The following NHSL1 variants were observed in gnomAD, a reference collection of about 807,000 sequenced individuals.
NHSL1 encodes NHS-like protein 1.
In NHSL1, 48 loss-of-function variants were observed where a neutral mutation model predicts 95.0. The ratio of observed to expected loss-of-function variants is 0.51; its 90% CI spans 0.40 to 0.64. NHSL1 has a LOEUF of 0.64. Among genes scored for constraint, NHSL1 ranks in the 30% least tolerant of loss-of-function variants. NHSL1 has a pLI of 0.00. For missense variants in NHSL1, 1,971 were observed against 2,077.7 expected, an observed-to-expected ratio of 0.95 and a Z score of 1.00; for synonymous variants, 783 against 833.9, an observed-to-expected ratio of 0.94 and a Z score of 1.05.
At chr6:138,465,267 C>T (rs1484533303) in intron 3 of NHSL1, among the ~76,000 whole-genome samples, 1 of 152,102 alleles carries the variant, frequency 6.6e-6, no homozygotes, top group Admixed American at 6.5e-5. Flanking sequence ...TTACTCCACT[C>T]CCCACTTTCT....
chr6:138,595,456 G>A, intron 1 of NHSL1, among the ~76,000 whole-genome samples: 1 of 152,144 alleles, frequency 6.6e-6, no homozygotes, highest in Non-Finnish European at 1.5e-5. Flanking sequence ...AGCACCAGTA[G>A]TCCCAGCTAC....
At chr6:138,530,486 T>C (rs1425604640) in intron 1 of NHSL1, among the ~76,000 whole-genome samples, 1 of 152,240 alleles carries the variant, frequency 6.6e-6, no homozygotes, top group Non-Finnish European at 1.5e-5. Context: ...TGCATGTTTA[T>C]AGCAGCACAA....
At chr6:138,586,204 C>T (rs1251743905) in intron 1 of NHSL1, among the ~76,000 whole-genome samples, 1 of 151,758 alleles carries the variant, frequency 6.6e-6, no homozygotes, top group Non-Finnish European at 1.5e-5. Context: ...AAGAGATTCT[C>T]CTGCCTCATC....
At chr6:138,530,816 G>C (rs1782102441) in intron 1 of NHSL1, among the ~76,000 whole-genome samples, 1 of 152,178 alleles carries the variant, frequency 6.6e-6, no homozygotes, top group South Asian at 2.1e-4. Context: ...GGGAAAGGAT[G>C]GGAGTGGGTG....
At chr6:138,558,910 A>C (rs894055645) in intron 1 of NHSL1, among the ~76,000 whole-genome samples, 25 of 152,124 alleles carry the variant, frequency 1.6e-4, no homozygotes, top group Non-Finnish European at 2.2e-4. Flanking sequence ...TTAGCCAGGC[A>C]TGGCGGCAGG....
chr6:138,490,692 G>T (rs1780021457), intron 2 of NHSL1, among the ~76,000 whole-genome samples: 1 of 152,102 alleles, frequency 6.6e-6, no homozygotes, highest in Non-Finnish European at 1.5e-5. Flanking sequence ...GAGTGCAGTG[G>T]CACAATCTCA....
chr6:138,438,442 G>A (rs190675906), intron 5 of NHSL1, among the ~76,000 whole-genome samples: 225 of 152,132 alleles, frequency 1.5e-3, no homozygotes, highest in African/African-American at 5.0e-3. Flanking sequence ...CAAAAAATTC[G>A]TGTGACTTGC....
chr6:138,625,082 A>G (rs1333185639), intron 1 of NHSL1, among the ~76,000 whole-genome samples: 2 of 152,184 alleles, frequency 1.3e-5, no homozygotes, highest in Non-Finnish European at 2.9e-5. Flanking sequence ...TTAATTTACA[A>G]AGATATAATT....
chr6:138,560,992 C>T (rs921245142), intron 1 of NHSL1, among the ~76,000 whole-genome samples: 1 of 152,234 alleles, frequency 6.6e-6, no homozygotes, highest in African/African-American at 2.4e-5. Flanking sequence ...GAAATCTCAA[C>T]TGCTTGTGGC....
intron 3 of NHSL1, among the ~76,000 whole-genome samples, chr6:138,465,896 G>C (rs185312398): frequency 1.5e-4 from 23 of 148,662 alleles, no homozygotes; most frequent in African/African-American, 5.4e-4. Flanking sequence ...GCTAATTTTT[G>C]TATTTTTAGT....
intron 1 of NHSL1, among the ~76,000 whole-genome samples, chr6:138,628,735 A>G (rs1421548148): frequency 6.6e-6 from 1 of 152,230 alleles, no homozygotes; most frequent in African/African-American, 2.4e-5. Context: ...GTGACAGAGT[A>G]AGACCCTGTT....
chr6:138,490,911 C>T (rs1042913167), intron 2 of NHSL1, among the ~76,000 whole-genome samples: 5 of 152,228 alleles, frequency 3.3e-5, no homozygotes, highest in African/African-American at 1.2e-4. Context: ...GGATTATAGG[C>T]GTGAGCCACC....
chr6:138,487,096 A>T (rs112102521), intron 2 of NHSL1, among the ~76,000 whole-genome samples: 2 of 152,220 alleles, frequency 1.3e-5, no homozygotes, highest in African/African-American at 4.8e-5. Flanking sequence ...CAACTGAAGG[A>T]CTTTATCATT....
chr6:138,639,795 C>T (rs868584529), intron 1 of NHSL1, among the ~76,000 whole-genome samples: 35 of 58,046 alleles, frequency 6.0e-4, no homozygotes, highest in African/African-American at 3.4e-3. Context: ...GAGACTCAGT[C>T]TCAAAAAAAA....
At chr6:138,633,814 T>C (rs1267653959) in intron 1 of NHSL1, among the ~76,000 whole-genome samples, 1 of 152,188 alleles carries the variant, frequency 6.6e-6, no homozygotes, top group Non-Finnish European at 1.5e-5. Context: ...GTGTGTAAAC[T>C]ACTCTTATTC....
chr6:138,519,163 T>C (rs1013204797), intron 1 of NHSL1, among the ~76,000 whole-genome samples: 2 of 151,820 alleles, frequency 1.3e-5, no homozygotes, highest in African/African-American at 2.4e-5. Flanking sequence ...AAGCCTCCTC[T>C]GAATGACACA....
chr6:138,567,423 C>T lies in NHSL1; in HGVS notation c.202+4287G>A, dbSNP rs546161294. Among the ~76,000 whole-genome samples the T allele has an allele frequency of 2.5e-4, 38 of 152,298 alleles. No individual in the cohort carries two copies. The South Asian group carries it at 7.9e-3, about 32-fold the overall frequency. On this transcript the variant is annotated intron_variant, in intron 1 of 6. Transcript: ENST00000427025. ...GGATAACAAGCATGAGCCACCACGC[C>T]TGGCCCAGGAAGCTATTCCTAAGTC...
Position 138,527,354 on chromosome 6 carries a change from A to G in NHSL1, c.16+18269T>C, listed in dbSNP as rs549607929. On this transcript the variant is annotated intron_variant, in intron 1 of 4. Coordinates refer to the NHSL1 transcript ENST00000342260. ...ACAAACTGCAGTCTGGGAATCTAAA[A>G]GAAGGAGGGCAAAAGTGCCCCCTGC... 2.6e-5 allele frequency among the ~76,000 whole-genome samples: 4 copies of G among 152,308 alleles called. No homozygotes were observed. In the South Asian group the frequency reaches 8.3e-4, roughly 32 times the overall value.
chr6:138,495,117 C>T (rs773197383), intron 2 of NHSL1, among the ~76,000 whole-genome samples: 29 of 152,096 alleles, frequency 1.9e-4, no homozygotes, highest in Non-Finnish European at 2.6e-4. Context: ...GTGATGCACT[C>T]CTGTAATCCC....
Sources: gnomAD v4.1 joint callset for allele counts (sites outside exome capture counted in the v4.1 genomes callset) on GRCh38, gnomAD v4.1.1 for gene constraint, MANE v1.5 for transcripts, NCBI Gene and HGNC (gene_info 2026-07-23, HGNC 2026-07-21) for gene names.